The following KRAS variants were observed in gnomAD, a reference collection of about 807,000 sequenced individuals.
The protein encoded by KRAS is KRas proto-oncogene, GTPase, also known as GTPase KRas.
Under a neutral mutation model 21.0 loss-of-function variants are expected in KRAS, and 1 was observed. The ratio of observed to expected loss-of-function variants is 0.05; its 90% CI spans 0.02 to 0.23. The LOEUF (loss-of-function observed/expected upper bound fraction) is 0.23, where lower values mean the gene tolerates loss of function less well. KRAS is among the 10% of genes least tolerant of loss of function. KRAS has a pLI of 1.00. For synonymous variants in KRAS, 67 were observed against 72.5 expected (o/e 0.92, Z 0.39); for missense variants, 107 against 221.8 (o/e 0.48, Z 3.29).
chr12:25,205,850 A>G lies in KRAS; in HGVS notation c.*3945T>C. Reference sequence around the variant, plus strand: ...CTATTCTTCAAGAACTCATGTGAGTATCTTTCTTTAGAAAGAAAGTTTCAT... The same window carrying G: ...CTATTCTTCAAGAACTCATGTGAGTGTCTTTCTTTAGAAAGAAAGTTTCAT... On this transcript the variant is annotated 3_prime_UTR_variant, in exon 5 of 5. Transcript: ENST00000311936. 1 of 215,956 alleles carries G rather than the reference A, an allele frequency of 4.6e-6. No homozygotes were observed. The allele number at this position is 215,956 out of a possible 1,614,324, so 13.4% of individuals were successfully genotyped here.
intron 2 of KRAS, among the ~76,000 whole-genome samples, chr12:25,232,587 C>T (rs1447935294): frequency 6.6e-6 from 1 of 152,062 alleles, no homozygotes. Context: ...ATTAGTATTT[C>T]CAGCCTTTCA....
chr12:25,247,444 T>C (rs1236220008), intron 1 of KRAS, among the ~76,000 whole-genome samples: 5 of 152,166 alleles, frequency 3.3e-5, no homozygotes, highest in Non-Finnish European at 7.4e-5. Context: ...TTGTCTAGGG[T>C]GAAGTTAACA....
At chr12:25,249,193 T>C (rs1277343044) in intron 1 of KRAS, among the ~76,000 whole-genome samples, 1 of 152,094 alleles carries the variant, frequency 6.6e-6, no homozygotes, top group East Asian at 1.9e-4. Context: ...TCAGGAGTTC[T>C]AGACCAGCCT....
At chr12:25,229,154 A>G (rs1174151090) in intron 2 of KRAS, among the ~76,000 whole-genome samples, 1 of 152,260 alleles carries the variant, frequency 6.6e-6, no homozygotes, top group Non-Finnish European at 1.5e-5. Flanking sequence ...AAGGTATTAT[A>G]TGGAGAGTCA....
Position 25,209,602 on chromosome 12 carries a change from G to T in KRAS, c.*193C>A. 7.4e-7 allele frequency: 1 copy of T among 1,344,484 alleles called. No homozygotes were observed. The highest frequency in any genetic ancestry group is 9.5e-7 in the Non-Finnish European group (1 of 1,050,732). The allele number at this position is 1,344,484 out of a possible 1,614,324, so 83.3% of individuals were successfully genotyped here. On this transcript the variant is annotated 3_prime_UTR_variant, in exon 5 of 5. Transcript: ENST00000311936. ...TTGCTAGTTCAAAAACCAAAACTCT[G>T]GGAATACTGGCACTTAGAGGAAAAA...
intron 2 of KRAS, among the ~76,000 whole-genome samples, chr12:25,232,673 T>C (rs1951489721): frequency 6.6e-6 from 1 of 152,114 alleles, no homozygotes; most frequent in African/African-American, 2.4e-5. Context: ...TACGATAAAA[T>C]AAAGTAACTT....
chr12:25,241,809 T>A (rs867857307), intron 2 of KRAS, among the ~76,000 whole-genome samples: 1 of 152,154 alleles, frequency 6.6e-6, no homozygotes, highest in Non-Finnish European at 1.5e-5. Context: ...ACCAAAAACA[T>A]CTCCAGATGT....
At chr12:25,222,915 A>G (rs370910462) in intron 4 of KRAS, among the ~76,000 whole-genome samples, 218 of 152,314 alleles carry the variant, frequency 1.4e-3, no homozygotes, top group African/African-American at 5.0e-3. Flanking sequence ...ACAAAGTGGG[A>G]CTAACAAGAC....
At chr12:25,217,990 G>T (rs1951274070) in intron 4 of KRAS, among the ~76,000 whole-genome samples, 1 of 152,096 alleles carries the variant, frequency 6.6e-6, no homozygotes, top group Non-Finnish European at 1.5e-5. Flanking sequence ...AAAAAATTAT[G>T]TATCCAAAAT....
intron 2 of KRAS, among the ~76,000 whole-genome samples, chr12:25,229,885 C>T (rs1951443438): frequency 6.6e-6 from 1 of 151,868 alleles, no homozygotes; most frequent in Non-Finnish European, 1.5e-5. Flanking sequence ...TCTCCTGCCT[C>T]AGCCTCTTGA....
intron 2 of KRAS, among the ~76,000 whole-genome samples, chr12:25,231,164 C>A (rs61762360): frequency 7.3e-6 from 1 of 136,430 alleles, no homozygotes; most frequent in South Asian, 2.4e-4. Context: ...GGCAGTGACA[C>A]GATCTCGAGT....
At chr12:25,236,549 G>C (rs966226970) in intron 2 of KRAS, among the ~76,000 whole-genome samples, 1 of 151,670 alleles carries the variant, frequency 6.6e-6, no homozygotes, top group African/African-American at 2.4e-5. Context: ...CACCTAATTA[G>C]TTCTCTGTGC....
At chr12:25,212,513 C>T (rs376332795) in intron 4 of KRAS, among the ~76,000 whole-genome samples, 26 of 152,054 alleles carry the variant, frequency 1.7e-4, no homozygotes, top group Middle Eastern at 6.8e-3. Context: ...CTGCTTGAGG[C>T]CAGGAGTTTG....
intron 2 of KRAS, among the ~76,000 whole-genome samples, chr12:25,228,764 A>C (rs1951426486): frequency 6.6e-6 from 1 of 152,178 alleles, no homozygotes; most frequent in Admixed American, 6.5e-5. Context: ...TGAACACTTA[A>C]AATTAACTAC....
chr12:25,234,257 G>A (rs891395136), intron 2 of KRAS: 3 of 175,746 alleles, frequency 1.7e-5, no homozygotes, highest in African/African-American at 7.1e-5. Context: ...CACATTTATG[G>A]GAGGGAAGAA....
chr12:25,220,322 T>C (rs895880463), intron 4 of KRAS, among the ~76,000 whole-genome samples: 29 of 152,236 alleles, frequency 1.9e-4, no homozygotes, highest in Non-Finnish European at 2.9e-5. Context: ...CTTTCAGATA[T>C]GGACTGAACT....
chr12:25,231,962 AAC>A (rs1241659741), intron 2 of KRAS, among the ~76,000 whole-genome samples: 1 of 152,162 alleles, frequency 6.6e-6, no homozygotes, highest in African/African-American at 2.4e-5. Flanking sequence ...GGCCATAAGA[AAC>A]AGTCATCCCT....
rs1279619715 is a variant in KRAS at position 25,206,076 on chromosome 12, A to AAGTT, written c.*3715_*3718dup. On this transcript the variant is annotated 3_prime_UTR_variant, in exon 5 of 5. Transcript: ENST00000311936. ...TGTCTAAAAAAAAATCCCCTAAAAA[A>AAGTT]AGTTATATACTGTTTGAAGAAAAAA... The AAGTT allele has an allele frequency of 1.9e-5, 4 of 211,518 alleles. No homozygotes were observed. Among genetic ancestry groups the AAGTT allele is most frequent in the African/African-American group, 9.1e-5 (4 of 44,170 alleles). The allele number at this position is 211,518 out of a possible 1,614,324, so 13.1% of individuals were successfully genotyped here.
chr12:25,220,763 G>A (rs1027385693), intron 4 of KRAS, among the ~76,000 whole-genome samples: 5 of 150,772 alleles, frequency 3.3e-5, no homozygotes, highest in African/African-American at 9.7e-5. Flanking sequence ...AGTGACTCAC[G>A]TCTGTAATCC....
Sources: allele counts gnomAD v4.1 joint callset (sites outside exome capture counted in the v4.1 genomes callset), GRCh38; gene constraint gnomAD v4.1.1; transcripts MANE v1.5; gene names NCBI Gene and HGNC (gene_info 2026-07-23, HGNC 2026-07-21).